MAOA: variants seen among roughly 807,000 people sequenced by gnomAD.
MAOA encodes the protein amine oxidase [flavin-containing] A.
A neutral mutation model predicts 42.0 loss-of-function variants in MAOA; 6 were observed. The observed-to-expected ratio is 0.14, with a 90% CI of 0.08 to 0.28. The LOEUF (loss-of-function observed/expected upper bound fraction) is 0.28, where lower values mean the gene tolerates loss of function less well. Ranked by LOEUF, MAOA falls within the 10% of genes least tolerant of loss-of-function variation. MAOA has a pLI of 1.00. For synonymous variants in MAOA, 140 were observed against 154.0 expected (o/e 0.91, Z 0.67); for missense variants, 262 against 422.3 (o/e 0.62, Z 3.33).
At chrX:43,720,218 G>A (rs927097047) in intron 5 of MAOA, among the ~76,000 whole-genome samples, 1 of 110,177 alleles carries the variant, frequency 9.1e-6, no homozygotes, top group Non-Finnish European at 1.9e-5. Flanking sequence ...GTGGTGTTAG[G>A]GGATGGTGTC....
At chrX:43,721,463 T>C (rs951020963) in intron 5 of MAOA, among the ~76,000 whole-genome samples, 1 of 111,042 alleles carries the variant, frequency 9.0e-6, no homozygotes, top group African/African-American at 3.3e-5. Context: ...AGAGGGTTTT[T>C]TGAGTTTGGC....
intron 10 of MAOA, among the ~76,000 whole-genome samples, chrX:43,738,307 A>G (rs1019133628): frequency 8.9e-6 from 1 of 112,299 alleles, no homozygotes; most frequent in African/African-American, 3.2e-5. Flanking sequence ...TTTTCCAAAA[A>G]TTTTTAATTT....
chrX:43,697,340 A>G (rs895714517), intron 3 of MAOA, among the ~76,000 whole-genome samples: 3 of 111,344 alleles, frequency 2.7e-5, no homozygotes, highest in African/African-American at 9.8e-5. Context: ...CCCCATATGC[A>G]GTGCTGGTGA....
At chrX:43,739,381 T>C (rs1389981895) in intron 10 of MAOA, among the ~76,000 whole-genome samples, 4 of 111,707 alleles carry the variant, frequency 3.6e-5, no homozygotes, top group African/African-American at 6.5e-5. Context: ...CCATGGAAAA[T>C]GGTAACAATA....
intron 5 of MAOA, among the ~76,000 whole-genome samples, chrX:43,719,858 C>T (rs1002893228): frequency 1.8e-5 from 2 of 109,460 alleles, no homozygotes; most frequent in African/African-American, 3.3e-5. Context: ...TGAAATGACC[C>T]GGAGGGGTAG....
intron 1 of MAOA, among the ~76,000 whole-genome samples, chrX:43,664,453 A>T (rs1221781206): frequency 9.0e-6 from 1 of 111,573 alleles, no homozygotes; most frequent in Admixed American, 9.5e-5. Flanking sequence ...TGCTCTTCAA[A>T]GTTGGTTCAG....
chrX:43,728,093 T>TA, intron 5 of MAOA, 80 bp from the exon 6 acceptor site: 1 of 997,103 alleles, frequency 1.0e-6, no homozygotes, highest in Non-Finnish European at 1.4e-6. Context: ...CTGAACACAC[T>TA]AAATCGTGTT....
intron 13 of MAOA, 54 bp downstream of exon 13, chrX:43,743,959 C>A: frequency 8.5e-7 from 1 of 1,171,069 alleles, no homozygotes; most frequent in Non-Finnish European, 1.1e-6. Flanking sequence ...ACGTTTTTGG[C>A]ATCTGGTCTT....
At chrX:43,656,496 G>A in intron 1 of MAOA, 82 bp downstream of exon 1, 3 of 904,356 alleles carry the variant, frequency 3.3e-6, no homozygotes, top group Non-Finnish European at 4.8e-6. Flanking sequence ...TGTGGTGTTT[G>A]GGGGTCTCTC....
At chrX:43,659,696 A>C (rs983187509) in intron 1 of MAOA, among the ~76,000 whole-genome samples, 1 of 111,418 alleles carries the variant, frequency 9.0e-6, no homozygotes, top group African/African-American at 3.3e-5. Context: ...TGAACACTTC[A>C]GGTTCAACAT....
At chrX:43,665,810 T>TTACATAGA (rs1555941793) in intron 1 of MAOA, among the ~76,000 whole-genome samples, 2 of 98,350 alleles carry the variant, frequency 2.0e-5, no homozygotes, top group Non-Finnish European at 4.1e-5. Context: ...TAGGTATAGA[T>TTACATAGA]TAGATAGATA....
chrX:43,666,127 G>C (rs57518926), intron 1 of MAOA, among the ~76,000 whole-genome samples: 9,328 of 111,819 alleles, frequency 0.083, 984 homozygotes, highest in African/African-American at 0.29. Flanking sequence ...TTCTTAGTAT[G>C]TGGTTCTTCT....
chrX:43,686,105 A>G (rs993475578), intron 2 of MAOA, among the ~76,000 whole-genome samples: 1 of 112,324 alleles, frequency 8.9e-6, no homozygotes, highest in Non-Finnish European at 1.9e-5. Flanking sequence ...GTATGCCTTT[A>G]TTAGATATGA....
At chrX:43,727,125 G>A (rs910269791) in intron 5 of MAOA, among the ~76,000 whole-genome samples, 56 of 112,101 alleles carry the variant, frequency 5.0e-4, no homozygotes, top group African/African-American at 1.8e-3. Context: ...CTACTGGGAG[G>A]TGTCTCTCAG....
chrX:43,683,553 T>C lies in MAOA; in HGVS notation c.114T>C (p.Ser38=), dbSNP rs1018232363. 1 of 1,211,202 alleles carries C rather than the reference T, an allele frequency of 8.3e-7. No individual in the cohort carries two copies. The highest frequency in any genetic ancestry group is 1.1e-6 in the Non-Finnish European group (1 of 894,923). ...AAKLLTEYGV[S]VLVLEARDRV... is the part of the protein sequence containing the mutation. ...AACTCTTGACTGAATATGGCGTTAG[T>C]GTTTTGGTTTTAGAAGCTCGGGACA... Residue 38 remains serine, a synonymous_variant, in exon 2 of 15, where the codon AGT becomes AGC. Coordinates refer to ENST00000338702, the MANE Select transcript of MAOA (RefSeq NM_000240.4).
intron 5 of MAOA, among the ~76,000 whole-genome samples, chrX:43,714,164 G>A (rs1020592211): frequency 1.8e-5 from 2 of 111,327 alleles, no homozygotes; most frequent in Non-Finnish European, 3.8e-5. Context: ...TACCCACAAG[G>A]GCAAGAAGGG....
intron 3 of MAOA, among the ~76,000 whole-genome samples, chrX:43,697,693 C>CA (rs1220288598): frequency 5.4e-5 from 6 of 111,467 alleles, no homozygotes; most frequent in African/African-American, 9.8e-5. Flanking sequence ...AATGTTAAGG[C>CA]AAAAAAGTAG....
intron 1 of MAOA, among the ~76,000 whole-genome samples, chrX:43,674,955 G>A (rs2147076741): frequency 9.0e-6 from 1 of 111,542 alleles, no homozygotes; most frequent in East Asian, 2.8e-4. Flanking sequence ...GAGTATCTTT[G>A]TGGTGTTCTC....
chrX:43,695,388 A>G (rs984707544), intron 3 of MAOA, among the ~76,000 whole-genome samples: 1 of 111,792 alleles, frequency 8.9e-6, no homozygotes, highest in Non-Finnish European at 1.9e-5. Flanking sequence ...ATTTACAAGT[A>G]TGTCCTCAAG....
Sources: allele counts gnomAD v4.1 joint callset (sites outside exome capture counted in the v4.1 genomes callset), GRCh38; gene constraint gnomAD v4.1.1; transcripts MANE v1.5; gene names NCBI Gene and HGNC (gene_info 2026-07-23, HGNC 2026-07-21).